LRRC4C: variants seen among roughly 807,000 people sequenced by gnomAD.
The protein encoded by LRRC4C is leucine-rich repeat-containing protein 4C.
LRRC4C carries 5 observed loss-of-function variants against 33.6 expected under a neutral mutation model. That is an observed-to-expected ratio of 0.15 (90% CI 0.08 to 0.31). LRRC4C has a LOEUF of 0.31. Among genes scored for constraint, LRRC4C ranks in the 10% least tolerant of loss-of-function variants. The pLI is 1.00. For missense variants in LRRC4C, 560 were observed against 796.7 expected, an observed-to-expected ratio of 0.70 and a Z score of 3.58; for synonymous variants, 329 against 302.0, an observed-to-expected ratio of 1.09 and a Z score of -0.93.
chr11:40,751,262 A>C (rs550180293), intron 2 of LRRC4C, among the ~76,000 whole-genome samples: 1 of 152,150 alleles, frequency 6.6e-6, no homozygotes, highest in African/African-American at 2.4e-5. Context: ...TTGATGTCCT[A>C]GCCAGATAAA....
At chr11:40,227,488 C>G (rs543717385) in intron 5 of LRRC4C, among the ~76,000 whole-genome samples, 1 of 152,196 alleles carries the variant, frequency 6.6e-6, no homozygotes, top group East Asian at 1.9e-4. Context: ...ATGTATGTAT[C>G]TGGTTCAAAA....
chr11:40,717,290 A>G (rs1946779714), intron 2 of LRRC4C, among the ~76,000 whole-genome samples: 1 of 151,012 alleles, frequency 6.6e-6, no homozygotes, highest in South Asian at 2.1e-4. Flanking sequence ...TTTTTTTTCA[A>G]GAAAATGAAG....
intron 3 of LRRC4C, among the ~76,000 whole-genome samples, chr11:40,516,531 T>C (rs1269851083): frequency 6.6e-6 from 1 of 152,122 alleles, no homozygotes; most frequent in East Asian, 1.9e-4. Flanking sequence ...TCTCTGTCTC[T>C]CTTAAGTTCT....
intron 1 of LRRC4C, among the ~76,000 whole-genome samples, chr11:41,006,883 A>G (rs2072922272): frequency 6.6e-6 from 1 of 152,142 alleles, no homozygotes; most frequent in African/African-American, 2.4e-5. Context: ...ATTTATTCAT[A>G]GATTTCTTCT....
intron 2 of LRRC4C, among the ~76,000 whole-genome samples, chr11:40,665,649 T>G (rs1762913398): frequency 6.6e-6 from 1 of 151,364 alleles, no homozygotes; most frequent in Admixed American, 6.6e-5. Context: ...ACATAGAAAA[T>G]AGAAAGTCAT....
At position 41,243,919 on chromosome 11, in the gene LRRC4C, T is replaced by C. The variant is rs182489069; in HGVS notation, c.-496+215512A>G. ...GATATAAAGCTTCAGGGATTTTAAG[T>C]GATTGACCTAAGACCAAAACAGAAT... On this transcript the variant is annotated intron_variant, in intron 1 of 6. Coordinates refer to ENST00000528697, the MANE Select transcript of LRRC4C (RefSeq NM_001258419.2). 1.0e-3 allele frequency among the ~76,000 whole-genome samples: 152 copies of C among 152,278 alleles called. 1 individual carries two copies. Among genetic ancestry groups the C allele is most frequent in the Admixed American group, 3.1e-3 (47 of 15,286 alleles).
At chr11:41,249,185 C>G (rs560566592) in intron 1 of LRRC4C, among the ~76,000 whole-genome samples, 23 of 152,068 alleles carry the variant, frequency 1.5e-4, no homozygotes, top group Admixed American at 3.3e-4. Flanking sequence ...CAGGCACCTG[C>G]CACCACGCCT....
chr11:41,009,892 C>T (rs1226748960), intron 1 of LRRC4C, among the ~76,000 whole-genome samples: 4 of 152,014 alleles, frequency 2.6e-5, no homozygotes, highest in South Asian at 2.1e-4. Context: ...TTTTAACAAA[C>T]GTAATCAATT....
chr11:40,484,689 C>G (rs1953764693), intron 3 of LRRC4C, among the ~76,000 whole-genome samples: 1 of 151,924 alleles, frequency 6.6e-6, no homozygotes, highest in Non-Finnish European at 1.5e-5. Context: ...CTTAGACAAG[C>G]TGAATTCATC....
chr11:41,058,318 C>T (rs1314185675), intron 1 of LRRC4C, among the ~76,000 whole-genome samples: 6 of 152,222 alleles, frequency 3.9e-5, no homozygotes, highest in African/African-American at 1.2e-4. Context: ...GCTGCAGCCT[C>T]GCAAAGAGCC....
chr11:40,359,338 CTGGT>C (rs1392934865), intron 3 of LRRC4C, among the ~76,000 whole-genome samples: 14 of 152,178 alleles, frequency 9.2e-5, no homozygotes, highest in African/African-American at 3.4e-4. Context: ...ATGTCATATT[CTGGT>C]TGCTTGGGAA....
chr11:40,773,244 G>A lies in LRRC4C; in HGVS notation c.-406-124966C>T, dbSNP rs182989528. Among the ~76,000 whole-genome samples, 14 of 151,918 alleles carry A rather than the reference G, an allele frequency of 9.2e-5. 1 individual carries two copies. The highest frequency in any genetic ancestry group is 2.7e-4 in the African/African-American group (11 of 41,264). On this transcript the variant is annotated intron_variant, in intron 2 of 6. Coordinates refer to ENST00000528697, the MANE Select transcript of LRRC4C (RefSeq NM_001258419.2). ...TCACTGGGGAGTGAGAATGGTTAAT[G>A]GGTACAAAAGTATAGTTAGAGAAAA...
intron 1 of LRRC4C, among the ~76,000 whole-genome samples, chr11:41,430,460 C>A (rs7122735): frequency 1.3e-5 from 2 of 151,846 alleles, no homozygotes; most frequent in Non-Finnish European, 2.9e-5. Context: ...GTGCCAGTTC[C>A]TAGACAACTA....
chr11:41,198,699 G>T (rs376458395), intron 1 of LRRC4C, among the ~76,000 whole-genome samples: 1 of 151,890 alleles, frequency 6.6e-6, no homozygotes, highest in Admixed American at 6.6e-5. Flanking sequence ...CCATTTTCAC[G>T]GTGGCCCTCT....
At chr11:41,413,183 T>A (rs1454180847) in intron 1 of LRRC4C, among the ~76,000 whole-genome samples, 1 of 152,172 alleles carries the variant, frequency 6.6e-6, no homozygotes, top group Non-Finnish European at 1.5e-5. Context: ...CAACTGTTCA[T>A]ACAAGGAATG....
chr11:40,813,083 G>T (rs934733810), intron 2 of LRRC4C, among the ~76,000 whole-genome samples: 11 of 152,152 alleles, frequency 7.2e-5, no homozygotes, highest in African/African-American at 2.7e-4. Context: ...GGTTGAGTTT[G>T]CTCAGTATGT....
At chr11:41,138,571 C>G (rs1943366146) in intron 1 of LRRC4C, among the ~76,000 whole-genome samples, 1 of 152,118 alleles carries the variant, frequency 6.6e-6, no homozygotes, top group African/African-American at 2.4e-5. Flanking sequence ...AAAATGATAT[C>G]TAAGTTTCAT....
At chr11:40,655,845 G>C (rs773093801) in intron 2 of LRRC4C, among the ~76,000 whole-genome samples, 17 of 152,198 alleles carry the variant, frequency 1.1e-4, no homozygotes, top group Non-Finnish European at 1.9e-4. Context: ...TGCATGGCTT[G>C]GGAGACCTCA....
chr11:40,183,804 T>A (rs1861199512), intron 5 of LRRC4C, among the ~76,000 whole-genome samples: 1 of 152,330 alleles, frequency 6.6e-6, no homozygotes, highest in East Asian at 1.9e-4. Context: ...TTACTATCCC[T>A]AGCCTGGGGC....
Sources: gnomAD v4.1 joint callset for allele counts (sites outside exome capture counted in the v4.1 genomes callset) on GRCh38, gnomAD v4.1.1 for gene constraint, MANE v1.5 for transcripts, NCBI Gene and HGNC (gene_info 2026-07-23, HGNC 2026-07-21) for gene names.